TTC7A: variants seen among roughly 807,000 people sequenced by gnomAD.
The protein encoded by TTC7A is tetratricopeptide repeat protein 7A.
TTC7A carries 110 observed loss-of-function variants against 103.7 expected under a neutral mutation model. The observed-to-expected ratio is 1.06, with a 90% confidence interval of 0.91 to 1.24. The LOEUF is 1.24. Ranked by LOEUF, TTC7A falls within the 50% of genes most tolerant of loss-of-function variation. The pLI is 0.00. For synonymous variants in TTC7A, 521 were observed against 467.9 expected (o/e 1.11, Z -1.47); for missense variants, 1,340 against 1,116.3 (o/e 1.20, Z -2.86).
chr2:46,979,313 G>A (rs1250359438), intron 5 of TTC7A, among the ~76,000 whole-genome samples: 2 of 152,140 alleles, frequency 1.3e-5, no homozygotes, highest in African/African-American at 4.8e-5. Context: ...TGAGCCTCAC[G>A]TTCCCCAAAA....
chr2:46,964,582 T>A (rs1427263685), intron 3 of TTC7A, among the ~76,000 whole-genome samples: 2 of 152,170 alleles, frequency 1.3e-5, no homozygotes, highest in African/African-American at 4.8e-5. Context: ...GGTCTGGAGC[T>A]GAGGGGTCTG....
chr2:47,018,416 C>A (rs142462985), intron 11 of TTC7A, among the ~76,000 whole-genome samples: 1 of 151,766 alleles, frequency 6.6e-6, no homozygotes, highest in Middle Eastern at 3.2e-3. Context: ...AACCCTGTCT[C>A]TGCTAAAAAT....
At chr2:46,926,238 C>T (rs777379548) in intron 2 of TTC7A, among the ~76,000 whole-genome samples, 4 of 152,138 alleles carry the variant, frequency 2.6e-5, no homozygotes, top group Non-Finnish European at 4.4e-5. Flanking sequence ...GCTAGATGGT[C>T]GGGGAGACAT....
intron 5 of TTC7A, among the ~76,000 whole-genome samples, chr2:46,986,143 G>A (rs181007460): frequency 2.0e-5 from 3 of 152,366 alleles, no homozygotes; most frequent in Non-Finnish European, 1.5e-5. Flanking sequence ...AGATACTGAC[G>A]TCAGCTCATC....
In TTC7A at chr2:46,928,459, TAAAAAAAA is replaced by T. The variant is rs35897582; in HGVS notation, c.82+11201_82+11208del. On this transcript the variant is annotated intron_variant, in intron 2 of 20. Transcript: ENST00000409245. Reference sequence around the variant, plus strand: ...AAGCTCAGGTGGTGGAAAGGGAAATTAAAAAAAAAAAAAAAAAAAAAAAAAACTTGGGC... The same window carrying T: ...AAGCTCAGGTGGTGGAAAGGGAAATTAAAAAAAAAAAAAAAAAACTTGGGC... Among the ~76,000 whole-genome samples the T allele has an allele frequency of 4.6e-4, 38 of 81,986 alleles. 1 individual carries two copies. The highest frequency in any genetic ancestry group is 1.4e-3 in the African/African-American group (36 of 26,046). The allele number at this position is 81,986 out of a possible 152,430, so 53.8% of individuals were successfully genotyped here.
chr2:46,924,221 C>A (rs1397732276), intron 2 of TTC7A, among the ~76,000 whole-genome samples: 3 of 148,988 alleles, frequency 2.0e-5, no homozygotes, highest in African/African-American at 7.4e-5. Flanking sequence ...AAAAAAAAAA[C>A]CCAACTAAAG....
At chr2:47,019,361 C>T (rs554255604) in intron 11 of TTC7A, among the ~76,000 whole-genome samples, 1 of 151,738 alleles carries the variant, frequency 6.6e-6, no homozygotes, top group African/African-American at 2.4e-5. Context: ...AGTGAGACAC[C>T]ATTTTCTATT....
At position 47,007,535 on chromosome 2, in the gene TTC7A, G is replaced by A. The variant is rs1677546820; in HGVS notation, c.1287+811G>A. The stretch of plus-strand genomic sequence containing the variant: ...TTTCATGGGGCTGAGGGAATTCCTC[G>A]CCCCCCTGGCCCATCTGTGCCACGT... On this transcript the variant is annotated intron_variant, in intron 10 of 19. Transcript: ENST00000319190. This position sits in a 1 kb window ranked among gnomAD's most constrained non-coding sequence, Gnocchi z 4.9. Among the ~76,000 whole-genome samples, 2 of 152,108 alleles carry A rather than the reference G, an allele frequency of 1.3e-5. No individual in the cohort carries two copies. The highest frequency in any genetic ancestry group is 6.5e-5 in the Admixed American group (1 of 15,282).
chr2:46,994,158 A>T (rs538634716), intron 6 of TTC7A, 199 bp from the exon 7 acceptor site: 21 of 612,778 alleles, frequency 3.4e-5, no homozygotes, highest in South Asian at 3.2e-4. Context: ...GTCTGAGGCC[A>T]GCAGAGGGGT....
intron 2 of TTC7A, among the ~76,000 whole-genome samples, chr2:46,950,956 A>G (rs758531787): frequency 6.6e-5 from 10 of 152,222 alleles, no homozygotes; most frequent in Non-Finnish European, 1.0e-4. Flanking sequence ...GGCTTACATC[A>G]TATTTTTTTG....
rs181053589 is a variant in TTC7A at position 47,010,756 on chromosome 2, G to A, written c.1288-575G>A. On this transcript the variant is annotated intron_variant, in intron 10 of 19. Transcript: ENST00000319190. ...ACTGTGTCACCCAGGCTGGAGTGCG[G>A]TGGCACAATCTCGGCTCACTGCAAC... 1.2e-4 allele frequency among the ~76,000 whole-genome samples: 19 copies of A among 152,276 alleles called. No homozygotes were observed. The East Asian group carries it at 2.3e-3, about 19-fold the overall frequency.
At chr2:46,974,333 T>C (rs1464665935) in intron 3 of TTC7A, among the ~76,000 whole-genome samples, 2 of 152,228 alleles carry the variant, frequency 1.3e-5, no homozygotes, top group South Asian at 2.1e-4. Context: ...CTTGCCTTGG[T>C]GCCTTACCTA....
At chr2:47,049,865 T>C in intron 16 of TTC7A, 84 bp from the exon 17 acceptor site, 1 of 1,017,774 alleles carries the variant, frequency 9.8e-7, no homozygotes. Context: ...CTGCCAGTCC[T>C]TGTGATGCTG....
chr2:46,982,975 T>A (rs983417780), intron 5 of TTC7A, among the ~76,000 whole-genome samples: 1 of 151,160 alleles, frequency 6.6e-6, no homozygotes, highest in Non-Finnish European at 1.5e-5. Flanking sequence ...CTCAAAAAAA[T>A]AAATAAATAA....
intron 2 of TTC7A, among the ~76,000 whole-genome samples, chr2:46,952,713 C>G (rs1671521323): frequency 1.3e-5 from 2 of 152,186 alleles, no homozygotes; most frequent in South Asian, 4.1e-4. Flanking sequence ...GTTCATGCCA[C>G]TGCACTCCAG....
At chr2:46,951,616 A>G (rs1050496403) in intron 2 of TTC7A, 12 of 451,582 alleles carry the variant, frequency 2.7e-5, no homozygotes, top group Non-Finnish European at 4.0e-5. Context: ...TCGCTGTGTT[A>G]CTCAGGCTGG....
At chr2:46,950,576 C>G (rs1425250835) in intron 2 of TTC7A, 50 bp downstream of exon 2, 4 of 1,591,776 alleles carry the variant, frequency 2.5e-6, no homozygotes, top group Admixed American at 1.8e-5. Context: ...GTCTGTCTTG[C>G]CTCGCATCTG....
At chr2:47,060,997 A>C (rs761257975) in intron 19 of TTC7A, 26 bp downstream of exon 19, 1 of 1,561,520 alleles carries the variant, frequency 6.4e-7, no homozygotes, top group South Asian at 1.2e-5. Flanking sequence ...CCGCGCTCCC[A>C]CCACCTCCTC....
intron 2 of TTC7A, among the ~76,000 whole-genome samples, chr2:46,954,586 T>G (rs1176230625): frequency 1.4e-5 from 2 of 147,134 alleles, no homozygotes; most frequent in Non-Finnish European, 3.0e-5. Context: ...TTTTTTTTTT[T>G]GAGACAACGG....
Sources: allele counts gnomAD v4.1 joint callset (sites outside exome capture counted in the v4.1 genomes callset), GRCh38; gene constraint gnomAD v4.1.1; non-coding constraint Gnocchi (gnomAD v3.1); transcripts MANE v1.5; gene names NCBI Gene and HGNC (gene_info 2026-07-23, HGNC 2026-07-21).